Variants in CMIP observed in about 807,000 individuals in gnomAD.
The protein encoded by CMIP is C-Maf-inducing protein.
Under a neutral mutation model 97.3 loss-of-function variants are expected in CMIP, and 13 were observed. The ratio of observed to expected loss-of-function variants is 0.13; its 90% CI spans 0.09 to 0.21. The LOEUF (loss-of-function observed/expected upper bound fraction) is 0.21. Among genes scored for constraint, CMIP ranks in the 10% least tolerant of loss-of-function variants. CMIP has a pLI of 1.00. For missense variants in CMIP, 847 were observed against 1,024.9 expected (o/e 0.83, Z 2.37); for synonymous variants, 538 against 436.3 (o/e 1.23, Z -2.91).
At chr16:81,687,449 G>C (rs1455300522) in intron 10 of CMIP, among the ~76,000 whole-genome samples, 1 of 152,216 alleles carries the variant, frequency 6.6e-6, no homozygotes, top group South Asian at 2.1e-4. Context: ...CTCTGGGTTT[G>C]TTTTTCCGCG....
chr16:81,486,872 C>T (rs2089322211), intron 1 of CMIP, among the ~76,000 whole-genome samples: 1 of 152,258 alleles, frequency 6.6e-6, no homozygotes, highest in African/African-American at 2.4e-5. Context: ...CATCTCAACC[C>T]AGCTCAAATC....
At chr16:81,610,388 C>T in intron 2 of CMIP, 1 of 985,676 alleles carries the variant, frequency 1.0e-6, no homozygotes, top group Non-Finnish European at 1.2e-6. Context: ...ATCCCGTGGA[C>T]AGCGCAGTCA....
chr16:81,618,347 C>G (rs1264039782), intron 2 of CMIP, among the ~76,000 whole-genome samples: 1 of 152,202 alleles, frequency 6.6e-6, no homozygotes, highest in East Asian at 1.9e-4. Flanking sequence ...GCCCTCCTGC[C>G]TCCCTCTTGT....
At chr16:81,545,435 C>T (rs1039145458) in intron 1 of CMIP, among the ~76,000 whole-genome samples, 6 of 152,236 alleles carry the variant, frequency 3.9e-5, no homozygotes, top group South Asian at 2.1e-4. Flanking sequence ...TAAAAGGGAC[C>T]GTGCACACAA....
rs2927310 is a variant in CMIP, at chr16:81,498,001, C to T, written c.300+52460C>T. ...TCTTCCGGGCACTAAGTTTCGGTTT[C>T]CTTTTCATTGTTCTTTGTTGGTCTG... On this transcript the variant is annotated intron_variant, in intron 1 of 20. Transcript: ENST00000537098. 8.3e-3 allele frequency among the ~76,000 whole-genome samples: 1,260 copies of T among 152,346 alleles called. 22 individuals carry two copies. The highest frequency in any genetic ancestry group is 0.029 in the African/African-American group (1,204 of 41,570).
At chr16:81,678,692 G>C (rs1904550216) in intron 10 of CMIP, 64 bp downstream of exon 10, 1 of 755,452 alleles carries the variant, frequency 1.3e-6, no homozygotes, top group Non-Finnish European at 2.2e-6. Flanking sequence ...TTTGCTGCTG[G>C]GTGCGGCTGT....
intron 14 of CMIP, chr16:81,697,601 C>G (rs1266330586): frequency 6.6e-6 from 1 of 152,254 alleles, no homozygotes; most frequent in African/African-American, 2.4e-5. Flanking sequence ...GCATTGGCCT[C>G]TCGAGGTTAC....
chr16:81,622,834 A>G (rs1787156725), intron 3 of CMIP, among the ~76,000 whole-genome samples: 3 of 152,218 alleles, frequency 2.0e-5, no homozygotes, highest in Non-Finnish European at 2.9e-5. Context: ...GGCAACCAAC[A>G]TGATGGGCAT....
rs1567607416 is a variant in CMIP at position 81,607,552 on chromosome 16, C to CT, written c.301-8dup. On this transcript the variant is annotated splice_polypyrimidine_tract_variant and intron_variant, in intron 1 of 20. Coordinates refer to ENST00000537098, the MANE Select transcript of CMIP (RefSeq NM_198390.3). ...TAACCAATGCATATCTCTTCTTTTT[C>CT]TTTTTTTGCTGCAGCCAACTGGGTA... 3 of 1,612,626 alleles carry CT rather than the reference C, an allele frequency of 1.9e-6. No individual in the cohort carries two copies. The highest frequency in any genetic ancestry group is 2.5e-6 in the Non-Finnish European group (3 of 1,179,616).
chr16:81,586,223 A>AT (rs900449353), intron 1 of CMIP, among the ~76,000 whole-genome samples: 1 of 151,988 alleles, frequency 6.6e-6, no homozygotes, highest in East Asian at 1.9e-4. Flanking sequence ...CAGAGATGGG[A>AT]TTTTGGGCCC....
rs140961641 is a variant in CMIP at position 81,584,609 on chromosome 16, G to T, written c.301-22958G>T. ...AGTGTGCCCGTGTAGATCAGCTGCA[G>T]TCCCACATAATGACAGGAGCCTTGG... On this transcript the variant is annotated intron_variant, in intron 1 of 20. Coordinates refer to ENST00000537098, the MANE Select transcript of CMIP (RefSeq NM_198390.3). Among the ~76,000 whole-genome samples the T allele has an allele frequency of 3.0e-3, 418 of 141,604 alleles. 4 individuals are homozygous for T. The highest frequency in any genetic ancestry group is 0.01 in the African/African-American group (397 of 38,068). 92.9% of individuals were successfully genotyped at this position (141,604 alleles called of 152,430 possible). A position where few individuals can be genotyped will look rare whatever the true frequency, so the allele number is the denominator to read the frequency against.
intron 1 of CMIP, among the ~76,000 whole-genome samples, chr16:81,472,105 C>G (rs898432340): frequency 6.6e-6 from 1 of 152,170 alleles, no homozygotes; most frequent in East Asian, 1.9e-4. Flanking sequence ...CACATGTGCT[C>G]TCAGTATACA....
chr16:81,675,781 T>A (rs540251645), intron 9 of CMIP, among the ~76,000 whole-genome samples: 37 of 152,320 alleles, frequency 2.4e-4, no homozygotes, highest in African/African-American at 7.7e-4. Context: ...GGGCCATGAA[T>A]AGCCAGCTTC....
intron 1 of CMIP, among the ~76,000 whole-genome samples, chr16:81,511,237 A>T (rs1278194846): frequency 1.3e-5 from 2 of 152,228 alleles, no homozygotes; most frequent in Non-Finnish European, 2.9e-5. Flanking sequence ...TCTAAAAAAT[A>T]AAGTATCTTT....
At chr16:81,562,466 T>A (rs1036704500) in intron 1 of CMIP, among the ~76,000 whole-genome samples, 1 of 152,248 alleles carries the variant, frequency 6.6e-6, no homozygotes, top group Non-Finnish European at 1.5e-5. Context: ...GGGGCTAACT[T>A]GCAGTGCTGG....
chr16:81,472,391 T>C (rs1256763837), intron 1 of CMIP, among the ~76,000 whole-genome samples: 3 of 152,236 alleles, frequency 2.0e-5, no homozygotes, highest in African/African-American at 7.2e-5. Context: ...GTGTCCTTCA[T>C]GGTGGCTCAT....
At chr16:81,546,659 A>T (rs894619777) in intron 1 of CMIP, among the ~76,000 whole-genome samples, 1 of 152,160 alleles carries the variant, frequency 6.6e-6, no homozygotes, top group Non-Finnish European at 1.5e-5. Flanking sequence ...AAGTCAGATG[A>T]TTATCGTGCG....
intron 1 of CMIP, among the ~76,000 whole-genome samples, chr16:81,456,435 G>A (rs1017457762): frequency 7.2e-5 from 11 of 152,210 alleles, no homozygotes; most frequent in African/African-American, 2.4e-4. Flanking sequence ...GTCCCTGGTG[G>A]GGTGTGAGCA....
rs1297690964 is a variant in CMIP at position 81,495,492 on chromosome 16, G to C, written c.300+49951G>C. The C allele has an allele frequency of 2.5e-6, 4 of 1,613,030 alleles. No individual in the cohort carries two copies. The Admixed American group carries it at 6.7e-5, about 27-fold the overall frequency. ...CCGGGGAAGGATGGGACAGGCTGCT[G>C]AGGTACAGTCCCATGTGGGGAACGA... On this transcript the variant is annotated intron_variant, in intron 1 of 20. Transcript: ENST00000537098.
Sources: gnomAD v4.1 joint callset for allele counts (sites outside exome capture counted in the v4.1 genomes callset) on GRCh38, gnomAD v4.1.1 for gene constraint, MANE v1.5 for transcripts, NCBI Gene and HGNC (gene_info 2026-07-23, HGNC 2026-07-21) for gene names.